Variants in LRRC15 observed in about 807,000 individuals in gnomAD.
LRRC15 encodes the protein leucine rich repeat containing 15.
In LRRC15, 5 loss-of-function variants were observed where a neutral mutation model predicts 4.3. The ratio of observed to expected loss-of-function variants is 1.16; its 90% confidence interval spans 0.61 to 2.44. The LOEUF is 2.44. Ranked by LOEUF, LRRC15 falls within the 30% of genes most tolerant of loss-of-function variation. The pLI is 0.01. For missense variants in LRRC15, 769 were observed against 747.0 expected (o/e 1.03, Z -0.34); for synonymous variants, 337 against 323.2 (o/e 1.04, Z -0.46).
rs1240173222 is a variant in LRRC15 at position 194,356,660 on chromosome 3, C to CTGA, written c.*2637_*2638insTCA. On this transcript the variant is annotated 3_prime_UTR_variant, in exon 2 of 2. Transcript: ENST00000347624. Reference sequence around the variant, plus strand: ...GGTGGTGTCATCTGAGGACAGTGGCCCTCAGGTCAGCCTCTGGCTGGAGAG... The same window carrying CTGA: ...GGTGGTGTCATCTGAGGACAGTGGCCTGACTCAGGTCAGCCTCTGGCTGGAGAG... 1 of 152,294 alleles carries CTGA rather than the reference C, an allele frequency of 6.6e-6. No individual in the cohort carries two copies. The highest frequency in any genetic ancestry group is 1.5e-5 in the Non-Finnish European group (1 of 68,084). The allele number at this position is 152,294 out of a possible 1,614,324, so 9.4% of individuals were successfully genotyped here. A position where few individuals can be genotyped will look rare whatever the true frequency, so the allele number is the denominator to read the frequency against.
In LRRC15 at chr3:194,359,301, A is replaced by G. The variant is rs2108656754; in HGVS notation, c.1743T>C (p.Cys581=). ...VLMQMKAPNE[C] is the part of the protein sequence containing the mutation. ...AGCCCTGCTCCAGCCTGCCTCTTTA[A>G]CACTCATTGGGTGCCTTCATCTGCA... is the stretch of plus-strand genomic sequence containing the variant. Residue 581 remains cysteine (C), a synonymous_variant, in exon 2 of 2, where the codon TGT becomes TGC. Transcript: ENST00000347624. The G allele has an allele frequency of 6.3e-7, 1 of 1,576,144 alleles. No homozygotes were observed. The highest frequency in any genetic ancestry group is 1.2e-5 in the South Asian group (1 of 84,072).
Position 194,357,436 on chromosome 3 carries a change from T to G in LRRC15, c.*1862A>C. 6.6e-6 allele frequency: 1 copy of G among 152,224 alleles called. No homozygotes were observed. The highest frequency in any genetic ancestry group is 1.9e-4 in the East Asian group (1 of 5,194). 9.4% of individuals were successfully genotyped at this position (152,224 alleles called of 1,614,324 possible). On this transcript the variant is annotated 3_prime_UTR_variant, in exon 2 of 2. Coordinates refer to ENST00000347624, the MANE Select transcript of LRRC15 (RefSeq NM_130830.5). ...AGATCCCCGTGGAGTCAGCTGAAGT[T>G]CTTTCCTGGGCAGACGTGGAGACCT...
In LRRC15 at chr3:194,357,738, A is replaced by G. The variant is rs1448996914; in HGVS notation, c.*1560T>C. On this transcript the variant is annotated 3_prime_UTR_variant, in exon 2 of 2. Transcript: ENST00000347624. Reference sequence around the variant, plus strand: ...TCGCCTGCTGTAAGTGAGATTCTGAAGTTCAGCTGCCAGCTGACTGTGATG... The same window carrying G: ...TCGCCTGCTGTAAGTGAGATTCTGAGGTTCAGCTGCCAGCTGACTGTGATG... 6.6e-6 allele frequency: 1 copy of G among 152,192 alleles called. No individual in the cohort carries two copies. The highest frequency in any genetic ancestry group is 2.4e-5 in the African/African-American group (1 of 41,448). The allele number at this position is 152,192 out of a possible 1,614,324, so 9.4% of individuals were successfully genotyped here. A position where few individuals can be genotyped will look rare whatever the true frequency, so the allele number is the denominator to read the frequency against.
At chr3:194,366,167 G>C (rs1189154446) in intron 1 of LRRC15, among the ~76,000 whole-genome samples, 1 of 152,190 alleles carries the variant, frequency 6.6e-6, no homozygotes, top group South Asian at 2.1e-4. Flanking sequence ...CCTGAAGCTC[G>C]GGCCTCCGTG....
chr3:194,368,656 C>T (rs1210297675), intron 1 of LRRC15, among the ~76,000 whole-genome samples: 5 of 152,114 alleles, frequency 3.3e-5, no homozygotes, highest in Non-Finnish European at 5.9e-5. Flanking sequence ...GAAGCTGGCA[C>T]GTGGCAGACA....
In LRRC15 at chr3:194,355,607, C is replaced by T. The variant is rs1713404209; in HGVS notation, c.*3691G>A. On this transcript the variant is annotated 3_prime_UTR_variant, in exon 2 of 2. Coordinates refer to ENST00000347624, the MANE Select transcript of LRRC15 (RefSeq NM_130830.5). Reference sequence around the variant, plus strand: ...CCCAAGGCCACTGCTGGCTTCCCAACAACGCAGATTCAGTTCTGACTGTGG... The same window carrying T: ...CCCAAGGCCACTGCTGGCTTCCCAATAACGCAGATTCAGTTCTGACTGTGG... The T allele has an allele frequency of 6.6e-6, 1 of 152,234 alleles. No individual in the cohort carries two copies. Among genetic ancestry groups the T allele is most frequent in the Non-Finnish European group, 1.5e-5 (1 of 68,058 alleles). The allele number at this position is 152,234 out of a possible 1,614,324, so 9.4% of individuals were successfully genotyped here. A position where few individuals can be genotyped will look rare whatever the true frequency, so the allele number is the denominator to read the frequency against.
In LRRC15 at chr3:194,361,013, C is replaced by T. The variant is rs747561248; in HGVS notation, c.31G>A (p.Val11Met). 57 of 1,520,238 alleles carry T rather than the reference C, an allele frequency of 3.7e-5. No homozygotes were observed. Among genetic ancestry groups the T allele is most frequent in the Non-Finnish European group, 4.6e-5 (52 of 1,141,100 alleles). The allele number at this position is 1,520,238 out of a possible 1,614,324, so 94.2% of individuals were successfully genotyped here. A position where few individuals can be genotyped will look rare whatever the true frequency, so the allele number is the denominator to read the frequency against. Residue 11 changes from valine (V) to methionine (M), a missense_variant, in exon 2 of 2, where the codon GTG becomes ATG. Physicochemically the swap from Val to Met is conservative, Grantham distance 21 (BLOSUM62 1). Coordinates refer to ENST00000347624, the MANE Select transcript of LRRC15 (RefSeq NM_130830.5). MPLKHYLLLL[V>M]GCQAWGAGLA... The stretch of plus-strand genomic sequence containing the variant: ...CCTGCACCCCAGGCTTGGCAGCCCA[C>T]CAGCAAAAGGAGATAATGCTTCAGT...
In LRRC15 at chr3:194,360,070, C is replaced by T; in HGVS notation, c.974G>A (p.Ser325Asn). The T allele has an allele frequency of 6.2e-7, 1 of 1,614,172 alleles. No homozygotes were observed. The highest frequency in any genetic ancestry group is 8.5e-7 in the Non-Finnish European group (1 of 1,180,044). The change falls in exon 2 of 2, where the codon AGC becomes AAC. Residue 325 changes from serine to asparagine, a missense_variant. Transcript: ENST00000347624. ...NLRQLQVLIL[S>N]RNQISFISPG... is the part of the protein sequence containing the mutation. ...GGAGATGAAGCTGATCTGATTGCGGCTAAGAATCAGGACCTGCAACTGGCG... is the reference window on the plus strand; with the variant it reads ...GGAGATGAAGCTGATCTGATTGCGGTTAAGAATCAGGACCTGCAACTGGCG...
intron 1 of LRRC15, among the ~76,000 whole-genome samples, chr3:194,362,171 A>T (rs1713647519): frequency 6.6e-6 from 1 of 151,298 alleles, no homozygotes; most frequent in African/African-American, 2.5e-5. Flanking sequence ...ATGTAGAGAT[A>T]TGGGACATAG....
Position 194,368,459 on chromosome 3 carries a change from C to T in LRRC15, c.-4+1202G>A, listed in dbSNP as rs1418446348. Among the ~76,000 whole-genome samples, 6 of 152,160 alleles carry T rather than the reference C, an allele frequency of 3.9e-5. No homozygotes were observed. In the East Asian group the frequency reaches 1.2e-3, roughly 29 times the overall value. On this transcript the variant is annotated intron_variant, in intron 1 of 1. Transcript: ENST00000347624. The stretch of plus-strand genomic sequence containing the variant: ...ATGCCTGCCTCATCACTGCTGAGCC[C>T]GCCCAGCTGACTCAAGACCACAGGC...
intron 1 of LRRC15, among the ~76,000 whole-genome samples, chr3:194,365,633 G>A (rs904017368): frequency 1.3e-5 from 2 of 152,064 alleles, no homozygotes; most frequent in African/African-American, 4.8e-5. Flanking sequence ...CTTCTGATGT[G>A]AGGCAGGAAG....
intron 1 of LRRC15, among the ~76,000 whole-genome samples, chr3:194,363,132 G>C (rs762079415): frequency 6.6e-6 from 1 of 151,896 alleles, no homozygotes; most frequent in Admixed American, 6.6e-5. Flanking sequence ...GTAAAGACAG[G>C]GTTTCACCAT....
chr3:194,361,290 TC>T (rs1713621814), intron 1 of LRRC15, among the ~76,000 whole-genome samples: 1 of 152,200 alleles, frequency 6.6e-6, no homozygotes, highest in African/African-American at 2.4e-5. Flanking sequence ...TACAAAATTT[TC>T]CCATGCTTCC....
chr3:194,363,248 A>AT (rs1294860883), intron 1 of LRRC15: 7 of 568,822 alleles, frequency 1.2e-5, no homozygotes, highest in African/African-American at 3.9e-5. Flanking sequence ...CAAGACCTTG[A>AT]TTTTTTTACT....
In LRRC15 at chr3:194,359,076, C is replaced by T. The variant is rs1159189079; in HGVS notation, c.*222G>A. On this transcript the variant is annotated 3_prime_UTR_variant, in exon 2 of 2. Transcript: ENST00000347624. The stretch of plus-strand genomic sequence containing the variant: ...GAATCGGAAATCCCCAGGGCTTTTG[C>T]CATGGCCAGTTGGATCTATCTTCCT... 4.3e-6 allele frequency: 2 copies of T among 463,794 alleles called. No individual in the cohort carries two copies. Among genetic ancestry groups the T allele is most frequent in the African/African-American group, 2.0e-5 (1 of 51,234 alleles). The allele number at this position is 463,794 out of a possible 1,614,324, so 28.7% of individuals were successfully genotyped here.
chr3:194,361,756 G>A (rs1302310296), intron 1 of LRRC15, among the ~76,000 whole-genome samples: 2 of 152,092 alleles, frequency 1.3e-5, no homozygotes, highest in African/African-American at 2.4e-5. Flanking sequence ...CCTCACCCTC[G>A]CCTGGGCCTG....
Position 194,359,884 on chromosome 3 carries a change from T to C in LRRC15, c.1160A>G (p.Asn387Ser), listed in dbSNP as rs752327739. 1 of 1,614,036 alleles carries C rather than the reference T, an allele frequency of 6.2e-7. No homozygotes were observed. The highest frequency in any genetic ancestry group is 1.3e-5 in the African/African-American group (1 of 74,936). Reference sequence around the variant, plus strand: ...CTGGATGGCCATGAGGCCATTGACGTTGGCGAAGATATTCCCTGGGAGCTG... The same window carrying C: ...CTGGATGGCCATGAGGCCATTGACGCTGGCGAAGATATTCCCTGGGAGCTG... ...LRQLPGNIFANVNGLMAIQLQ... is the reference protein window; with the variant it reads ...LRQLPGNIFASVNGLMAIQLQ... Residue 387 changes from asparagine to serine, a missense_variant, in exon 2 of 2, where the codon AAC (asparagine) becomes AGC (serine). Transcript: ENST00000347624.
At position 194,359,595 on chromosome 3, in the gene LRRC15, AC is replaced by A. The variant is rs779416867; in HGVS notation, c.1448del (p.Ser483IlefsTer26). 8.1e-6 allele frequency: 13 copies of A among 1,613,838 alleles called. No individual in the cohort carries two copies. Among genetic ancestry groups the A allele is most frequent in the Non-Finnish European group, 1.1e-5 (13 of 1,179,870 alleles). On this transcript the variant is annotated frameshift_variant, in exon 2 of 2. Transcript: ENST00000347624. LOFTEE classifies it high-confidence loss of function. The stretch of plus-strand genomic sequence containing the variant: ...CTGGGTACCATGGTGTTTCTGGGTA[AC>A]TAGGCACCTCGGGGACATGGACGCT... ...VPSVHVPEVP[S>X]YPETPWYPDT...
chr3:194,362,745 G>A (rs1713666356), intron 1 of LRRC15, among the ~76,000 whole-genome samples: 1 of 152,118 alleles, frequency 6.6e-6, no homozygotes, highest in Non-Finnish European at 1.5e-5. Flanking sequence ...ATCAATGGTT[G>A]GGTAAAGAAG....
Sources: allele counts gnomAD v4.1 joint callset (sites outside exome capture counted in the v4.1 genomes callset), GRCh38; gene constraint gnomAD v4.1.1; transcripts MANE v1.5; gene names NCBI Gene and HGNC (gene_info 2026-07-23, HGNC 2026-07-21).